The following ABCA1 variants were observed in gnomAD, a reference collection of about 807,000 sequenced individuals.
The protein encoded by ABCA1 is phospholipid-transporting ATPase ABCA1.
ABCA1 carries 133 observed loss-of-function variants against 262.5 expected under a neutral mutation model. The ratio of observed to expected loss-of-function variants is 0.51; its 90% confidence interval spans 0.44 to 0.59. The LOEUF is 0.59. ABCA1 is among the 20% of genes least tolerant of loss of function. The pLI, the probability that ABCA1 is intolerant of heterozygous loss-of-function variation, is 0.00. For missense variants in ABCA1, 2,452 were observed against 2,777.5 expected, an observed-to-expected ratio of 0.88 and a Z score of 2.63; for synonymous variants, 1,022 against 1,043.5, an observed-to-expected ratio of 0.98 and a Z score of 0.40.
At chr9:104,874,805 C>T (rs570279467) in intron 5 of ABCA1, among the ~76,000 whole-genome samples, 1 of 142,536 alleles carries the variant, frequency 7.0e-6, no homozygotes, top group Non-Finnish European at 1.5e-5. Context: ...CGGCCAGCCG[C>T]CCCGTCCGGG....
At chr9:104,784,997 A>T (rs1428539413) in intron 49 of ABCA1, among the ~76,000 whole-genome samples, 2 of 152,132 alleles carry the variant, frequency 1.3e-5, no homozygotes, top group Admixed American at 1.3e-4. Flanking sequence ...CTGCTCAGTC[A>T]TCCATTTACT....
At chr9:104,913,762 C>T (rs1487815306) in intron 1 of ABCA1, among the ~76,000 whole-genome samples, 3 of 151,778 alleles carry the variant, frequency 2.0e-5, no homozygotes, top group East Asian at 1.9e-4. Flanking sequence ...AGCACACTGC[C>T]ACCTCCCTAC....
At chr9:104,883,237 G>C in intron 4 of ABCA1, 80 bp from the exon 5 acceptor site, 1 of 1,260,490 alleles carries the variant, frequency 7.9e-7, no homozygotes, top group Non-Finnish European at 1.2e-6. Flanking sequence ...ACTGCCAAGT[G>C]CATAGAACTC....
chr9:104,925,987 T>C (rs1436470061), intron 1 of ABCA1, among the ~76,000 whole-genome samples: 2 of 151,218 alleles, frequency 1.3e-5, no homozygotes, highest in African/African-American at 4.9e-5. Context: ...AAGATCATAA[T>C]TTAAGTCTGG....
Position 104,826,960 on chromosome 9 carries a change from G to T in ABCA1, c.2325C>A (p.Leu775=). The change falls in exon 16 of 50, where the codon CTC becomes CTA. Residue 775 remains leucine (L), a synonymous_variant. Transcript: ENST00000374736. ...CAGAGGTACTCACAGCGAAGATCTTGAGTGTGAAGCCCACGTAGTCCTGCC... is the reference window on the plus strand; with the variant it reads ...CAGAGGTACTCACAGCGAAGATCTTTAGTGTGAAGCCCACGTAGTCCTGCC... ...VAWQDYVGFT[L]KIFASLLSPV... is the part of the protein sequence containing the mutation. The T allele has an allele frequency of 1.2e-6, 2 of 1,613,922 alleles. No homozygotes were observed. The highest frequency in any genetic ancestry group is 1.7e-6 in the Non-Finnish European group (2 of 1,180,024).
intron 15 of ABCA1, among the ~76,000 whole-genome samples, 173 bp from the exon 16 acceptor site, chr9:104,827,342 T>C (rs1008020890): frequency 1.3e-5 from 2 of 152,178 alleles, no homozygotes; most frequent in Non-Finnish European, 2.9e-5. Flanking sequence ...CTAAAGAAGA[T>C]AAGTGACTTA....
chr9:104,802,016 G>A (rs1830379198), intron 34 of ABCA1, 38 bp downstream of exon 34: 1 of 1,582,576 alleles, frequency 6.3e-7, no homozygotes, highest in Admixed American at 1.7e-5. Flanking sequence ...GCAGCTACAT[G>A]CCCATTTTTC....
chr9:104,803,236 A>G (rs762594435), intron 33 of ABCA1, 48 bp downstream of exon 33: 1 of 1,603,844 alleles, frequency 6.2e-7, no homozygotes. Flanking sequence ...GACACCTACA[A>G]CACCATCCTC....
At position 104,786,965 on chromosome 9, in the gene ABCA1, G is replaced by A. The variant is rs752324602; in HGVS notation, c.6216C>T (p.Thr2072=). The A allele has an allele frequency of 6.2e-7, 1 of 1,613,770 alleles. No homozygotes were observed. Among genetic ancestry groups the A allele is most frequent in the African/African-American group, 1.3e-5 (1 of 74,870 alleles). ...GPPVVFLDEP[T]TGMDPKARRF... is the part of the protein sequence containing the mutation. ...GCCGGGCTTTGGGATCCATGCCTGT[G>A]GTGGGTTCATCCTGTAATTAGAATA... The change falls in exon 47 of 50, where the codon ACC becomes ACT. Residue 2072 remains threonine, a synonymous_variant. Coordinates refer to ENST00000374736, the MANE Select transcript of ABCA1 (RefSeq NM_005502.4).
At chr9:104,927,316 T>C (rs1213068873) in intron 1 of ABCA1, among the ~76,000 whole-genome samples, 2 of 151,618 alleles carry the variant, frequency 1.3e-5, no homozygotes, top group Non-Finnish European at 1.5e-5. Flanking sequence ...TCCCTACCCC[T>C]CAGGTCAAAC....
chr9:104,804,578 C>G (rs748795126), intron 32 of ABCA1, 48 bp downstream of exon 32: 2 of 1,431,666 alleles, frequency 1.4e-6, no homozygotes, highest in Non-Finnish European at 2.0e-6. Context: ...TCTTTAATTC[C>G]TCTAATTAGT....
chr9:104,909,295 A>G (rs2118468194), intron 1 of ABCA1, among the ~76,000 whole-genome samples: 1 of 152,304 alleles, frequency 6.6e-6, no homozygotes, highest in African/African-American at 2.4e-5. Flanking sequence ...AAGTTCCTTC[A>G]TTCATGGGGC....
chr9:104,912,412 C>T (rs1244217457), intron 1 of ABCA1, among the ~76,000 whole-genome samples: 2 of 152,102 alleles, frequency 1.3e-5, no homozygotes, highest in Non-Finnish European at 2.9e-5. Flanking sequence ...AATAAACAAA[C>T]AAATAAATAA....
At chr9:104,844,644 C>T (rs951118160) in intron 8 of ABCA1, among the ~76,000 whole-genome samples, 7 of 152,058 alleles carry the variant, frequency 4.6e-5, no homozygotes, top group South Asian at 2.1e-4. Flanking sequence ...AAAAGAAAAA[C>T]GGATTAGAGA....
At chr9:104,798,074 G>C (rs1830049028) in intron 37 of ABCA1, among the ~76,000 whole-genome samples, 1 of 152,200 alleles carries the variant, frequency 6.6e-6, no homozygotes, top group South Asian at 2.1e-4. Context: ...AGAACATTCT[G>C]ACTCTGGAGG....
intron 1 of ABCA1, among the ~76,000 whole-genome samples, chr9:104,926,540 TCAC>T (rs1826351289): frequency 6.6e-6 from 1 of 151,438 alleles, no homozygotes; most frequent in East Asian, 1.9e-4. Context: ...CCACCGGTCT[TCAC>T]CGGATTCACA....
chr9:104,925,576 T>C (rs774831402), intron 1 of ABCA1, among the ~76,000 whole-genome samples: 3 of 152,132 alleles, frequency 2.0e-5, no homozygotes, highest in Non-Finnish European at 2.9e-5. Context: ...GCAATTCTAG[T>C]CCCTTAAATG....
chr9:104,819,769 A>T (rs140759235), intron 21 of ABCA1, 46 bp from the exon 22 acceptor site: 1 of 1,613,910 alleles, frequency 6.2e-7, no homozygotes, highest in Non-Finnish European at 8.5e-7. Flanking sequence ...AGCCCCAGAC[A>T]GTGAGTGAAG....
chr9:104,811,275 G>A (rs1231204527), intron 28 of ABCA1, among the ~76,000 whole-genome samples: 1 of 152,156 alleles, frequency 6.6e-6, no homozygotes, highest in Non-Finnish European at 1.5e-5. Context: ...GACTACATTG[G>A]GCCATGAACC....
Sources: allele counts gnomAD v4.1 joint callset (sites outside exome capture counted in the v4.1 genomes callset), GRCh38; gene constraint gnomAD v4.1.1; transcripts MANE v1.5; gene names NCBI Gene and HGNC (gene_info 2026-07-23, HGNC 2026-07-21).